Variants in EHMT2 observed in about 807,000 individuals in gnomAD.
EHMT2 encodes euchromatic histone lysine methyltransferase 2.
EHMT2 carries 59 observed loss-of-function variants against 143.3 expected under a neutral mutation model. The observed-to-expected ratio is 0.41, with a 90% CI of 0.33 to 0.51. EHMT2 has a LOEUF of 0.51. EHMT2 is among the 20% of genes least tolerant of loss of function. EHMT2 has a pLI of 0.18. For synonymous variants in EHMT2, 604 were observed against 651.5 expected (o/e 0.93, Z 1.11); for missense variants, 1,174 against 1,645.9 (o/e 0.71, Z 4.96).
intron 4 of EHMT2, chr6:31,893,689 T>C: frequency 3.7e-6 from 1 of 272,192 alleles, no homozygotes; most frequent in Non-Finnish European, 7.3e-6. Flanking sequence ...AAAGAAATTC[T>C]GACATGGTAC....
rs1231547775 is a variant in EHMT2 at position 31,884,710 on chromosome 6, A to G, written c.2538T>C (p.Ala846=). Residue 846 remains alanine (A), a synonymous_variant, in exon 20 of 28, where the codon GCT becomes GCC. Coordinates refer to ENST00000375537, the Ensembl canonical transcript of EHMT2. The surrounding 1 kb of genome is among the most constrained non-coding windows in gnomAD (Gnocchi z 7.3). Reference sequence around the variant, plus strand: ...GGGGGGTGTCCCCATGGTAGTTGACAGCATGGAGGTCACAGCGCGCATTCA... The same window carrying G: ...GGGGGGTGTCCCCATGGTAGTTGACGGCATGGAGGTCACAGCGCGCATTCA... 2 of 1,591,180 alleles carry G rather than the reference A, an allele frequency of 1.3e-6. No individual in the cohort carries two copies. The highest frequency in any genetic ancestry group is 1.8e-5 in the Admixed American group (1 of 56,792).
At position 31,884,756 on chromosome 6, in the gene EHMT2, G is replaced by A; in HGVS notation, c.2492C>T (p.Ala831Val). ...ATTCAGAAGGACTTCGGCGATGGCG[G>A]CGCTGCCCGTGAAGGAGGCCCAGTG... is the stretch of plus-strand genomic sequence containing the variant. Residue 831 changes from alanine to valine, a missense_variant, in exon 20 of 28, where the codon GCC (alanine) becomes GTC (valine). Ala to Val is a moderately conservative substitution (Grantham distance 64, BLOSUM62 0). Transcript: ENST00000375537. The surrounding 1 kb of genome is among the most constrained non-coding windows in gnomAD (Gnocchi z 7.3). 6.2e-7 allele frequency: 1 copy of A among 1,602,016 alleles called. No individual in the cohort carries two copies. The highest frequency in any genetic ancestry group is 8.5e-7 in the Non-Finnish European group (1 of 1,174,718).
In EHMT2 at chr6:31,884,622, T is replaced by A. The variant is rs2151605455; in HGVS notation, c.2603+23A>T. 2 of 1,598,862 alleles carry A rather than the reference T, an allele frequency of 1.3e-6. No homozygotes were observed. Among genetic ancestry groups the A allele is most frequent in the Non-Finnish European group, 1.7e-6 (2 of 1,170,648 alleles). ...GCTGCAAGAAGTGGGGGCAGGGGCA[T>A]CAAGGGCGGGGCAGGGGCTCACAGC... On this transcript the variant is annotated intron_variant, in intron 20 of 27. Coordinates refer to ENST00000375537, the Ensembl canonical transcript of EHMT2. This position sits in a 1 kb window ranked among gnomAD's most constrained non-coding sequence, Gnocchi z 7.3.
Position 31,883,409 on chromosome 6 carries a change from A to G in EHMT2, c.2947T>C (p.Ser983Pro). ...CTGAGCTGGCCGCACAGGCAGTTGGAGCTAGAGCAGTCGTCCACACACGTG... is the reference window on the plus strand; with the variant it reads ...CTGAGCTGGCCGCACAGGCAGTTGGGGCTAGAGCAGTCGTCCACACACGTG... The change falls in exon 23 of 28, where the codon TCC becomes CCC. Residue 983 changes from serine to proline, a missense_variant. By Grantham distance (74) the Ser-to-Pro change is moderately conservative. Around this residue, in one of 6 missense-constraint regions of EHMT2, gnomAD observed 78 missense variants for 144.0 expected, o/e 0.54. Transcript: ENST00000375537. This position sits in a 1 kb window ranked among gnomAD's most constrained non-coding sequence, Gnocchi z 5.6. 4 of 1,612,916 alleles carry G rather than the reference A, an allele frequency of 2.5e-6. No homozygotes were observed. Among genetic ancestry groups the G allele is most frequent in the Non-Finnish European group, 3.4e-6 (4 of 1,179,934 alleles).
Position 31,880,001 on chromosome 6 carries a change from G to T in EHMT2, c.*83C>A. On this transcript the variant is annotated 3_prime_UTR_variant, in exon 28 of 28. Transcript: ENST00000375537. The surrounding 1 kb of genome is among the most constrained non-coding windows in gnomAD (Gnocchi z 6.6). ...GGGAGAGAAGATGGCAGCACCCCCA[G>T]GCATGGGCTGCGAGCAGCTGGTGGC... 1 of 1,484,782 alleles carries T rather than the reference G, an allele frequency of 6.7e-7. No homozygotes were observed. The highest frequency in any genetic ancestry group is 9.2e-7 in the Non-Finnish European group (1 of 1,086,374). The allele number at this position is 1,484,782 out of a possible 1,614,324, so 92.0% of individuals were successfully genotyped here.
Position 31,884,810 on chromosome 6 carries a change from A to G in EHMT2, c.2449-11T>C. 1 of 1,593,614 alleles carries G rather than the reference A, an allele frequency of 6.3e-7. No homozygotes were observed. The highest frequency in any genetic ancestry group is 8.6e-7 in the Non-Finnish European group (1 of 1,169,176). ...GCAGATGTTCTCCTCCTGTGGAGGT[A>G]GGAGGGGAACAGATGAGGTGCAGGC... is the stretch of plus-strand genomic sequence containing the variant. On this transcript the variant is annotated splice_polypyrimidine_tract_variant and intron_variant, in intron 19 of 27. Transcript: ENST00000375537. The surrounding 1 kb of genome is among the most constrained non-coding windows in gnomAD (Gnocchi z 7.3).
intron 1 of EHMT2, 30 bp downstream of exon 1, chr6:31,897,606 G>T: frequency 1.8e-6 from 2 of 1,140,074 alleles, no homozygotes; most frequent in Non-Finnish European, 2.2e-6. Context: ...GCGCGGGCAT[G>T]CACCCGCCTC....
chr6:31,883,667 G>T lies in EHMT2; in HGVS notation c.2916+139C>A. On this transcript the variant is annotated intron_variant, in intron 22 of 27. Transcript: ENST00000375537. This position sits in a 1 kb window ranked among gnomAD's most constrained non-coding sequence, Gnocchi z 5.6. ...ACCTAGGAAAAGGATCCCTCCCCTG[G>T]TGGGGATGCGACCCCACACCAGGGC... The T allele has an allele frequency of 7.9e-7, 1 of 1,273,552 alleles. No individual in the cohort carries two copies. Among genetic ancestry groups the T allele is most frequent in the Non-Finnish European group, 1.1e-6 (1 of 904,748 alleles). The allele number at this position is 1,273,552 out of a possible 1,614,324, so 78.9% of individuals were successfully genotyped here.
At position 31,889,691 on chromosome 6, in the gene EHMT2, C is replaced by T. The variant is rs1765438646; in HGVS notation, c.865-89G>A. On this transcript the variant is annotated intron_variant, in intron 7 of 27. Coordinates refer to ENST00000375537, the Ensembl canonical transcript of EHMT2. This position sits in a 1 kb window ranked among gnomAD's most constrained non-coding sequence, Gnocchi z 5.1. ...AAACCACCACCACCATTGCCCCCCG[C>T]CACTACCCACGGATGGCTGCTGGGG... 50 of 1,531,768 alleles carry T rather than the reference C, an allele frequency of 3.3e-5. No individual in the cohort carries two copies. Among genetic ancestry groups the T allele is most frequent in the Non-Finnish European group, 4.4e-5 (49 of 1,123,034 alleles). The allele number at this position is 1,531,768 out of a possible 1,614,324, so 94.9% of individuals were successfully genotyped here. A position where few individuals can be genotyped will look rare whatever the true frequency, so the allele number is the denominator to read the frequency against.
Position 31,888,181 on chromosome 6 carries a change from G to A in EHMT2, c.1605C>T (p.His535=). 6.2e-7 allele frequency: 1 copy of A among 1,612,998 alleles called. No individual in the cohort carries two copies. Among genetic ancestry groups the A allele is most frequent in the Non-Finnish European group, 8.5e-7 (1 of 1,180,006 alleles). The change falls in exon 13 of 28, where the codon CAC becomes CAT. Residue 535 remains histidine (H), a synonymous_variant. Transcript: ENST00000375537. The surrounding 1 kb of genome is among the most constrained non-coding windows in gnomAD (Gnocchi z 7.4). ...GAGCTTCAGAAGCATCCTCCCCACAGTGGGGACAGAAGACCATCCCATTCA... is the reference window on the plus strand; with the variant it reads ...GAGCTTCAGAAGCATCCTCCCCACAATGGGGACAGAAGACCATCCCATTCA...
rs778474244 is a variant in EHMT2, at chr6:31,884,393, G to A, written c.2770C>T (p.Arg924Trp). ...TGCAGAGAGGGGCCCAGGGCTCACCGGCAGATGATCTTCTCTGTGCGGATG... is the reference window on the plus strand; with the variant it reads ...TGCAGAGAGGGGCCCAGGGCTCACCAGCAGATGATCTTCTCTGTGCGGATG... The change falls in exon 21 of 28, where the codon CGG (arginine) becomes TGG (tryptophan). Residue 924 changes from arginine (R) to tryptophan (W), a missense_variant and splice_region_variant. Transcript: ENST00000375537. This position sits in a 1 kb window ranked among gnomAD's most constrained non-coding sequence, Gnocchi z 7.3. 7 of 1,611,126 alleles carry A rather than the reference G, an allele frequency of 4.3e-6. No homozygotes were observed. Among genetic ancestry groups the A allele is most frequent in the South Asian group, 1.1e-5 (1 of 91,046 alleles).
intron 7 of EHMT2, among the ~76,000 whole-genome samples, chr6:31,891,809 CTTTT>C (rs1364331871): frequency 2.6e-5 from 4 of 151,848 alleles, no homozygotes; most frequent in Non-Finnish European, 5.9e-5. Flanking sequence ...CTGGTCATTT[CTTTT>C]TTTGTTTTCT....
At chr6:31,893,255 C>T in intron 4 of EHMT2, 1 of 494,330 alleles carries the variant, frequency 2.0e-6, no homozygotes, top group Middle Eastern at 3.1e-4. Flanking sequence ...GTGCCACTGA[C>T]AGATGAATGG....
At position 31,880,331 on chromosome 6, in the gene EHMT2, T is replaced by C. The variant is rs1419559598; in HGVS notation, c.3453-67A>G. 1.5e-5 allele frequency: 24 copies of C among 1,554,960 alleles called. No individual in the cohort carries two copies. Among genetic ancestry groups the C allele is most frequent in the Non-Finnish European group, 2.0e-5 (23 of 1,141,994 alleles). ...CACCAAGAGCCCACCCCGAAGACCCTGTGGATCCTGCTCCCTGAGAGGGAC... is the reference window on the plus strand; with the variant it reads ...CACCAAGAGCCCACCCCGAAGACCCCGTGGATCCTGCTCCCTGAGAGGGAC... On this transcript the variant is annotated intron_variant, in intron 27 of 27. Transcript: ENST00000375537. The surrounding 1 kb of genome is among the most constrained non-coding windows in gnomAD (Gnocchi z 6.6).
intron 6 of EHMT2, 35 bp downstream of exon 6, chr6:31,892,659 C>T: frequency 6.2e-7 from 1 of 1,613,060 alleles, no homozygotes. Flanking sequence ...TCAGAGCAGC[C>T]CCCGAGGGGT....
chr6:31,883,238 CCT>C lies in EHMT2; in HGVS notation c.2994+122_2994+123del, dbSNP rs1378996659. Reference sequence around the variant, plus strand: ...CCAGGATTCCCAGGCCTTGCCCAGTCCTCTCAGTCACTTCCCCCACAGGGTAG... The same window carrying C: ...CCAGGATTCCCAGGCCTTGCCCAGTCCTCAGTCACTTCCCCCACAGGGTAG... On this transcript the variant is annotated intron_variant, in intron 23 of 27. Transcript: ENST00000375537. This position sits in a 1 kb window ranked among gnomAD's most constrained non-coding sequence, Gnocchi z 5.6. The C allele has an allele frequency of 1.5e-5, 16 of 1,082,654 alleles. No individual in the cohort carries two copies. The highest frequency in any genetic ancestry group is 2.2e-5 in the Non-Finnish European group (16 of 733,254). 67.1% of individuals were successfully genotyped at this position (1,082,654 alleles called of 1,614,324 possible). A position where few individuals can be genotyped will look rare whatever the true frequency, so the allele number is the denominator to read the frequency against.
chr6:31,885,561 A>T (rs995872850), intron 18 of EHMT2: 1 of 152,690 alleles, frequency 6.5e-6, no homozygotes. Flanking sequence ...TTTCCAAAAA[A>T]TACAGCCAGG....
At chr6:31,896,234 G>T (rs1204481655) in intron 4 of EHMT2, 29 bp downstream of exon 4, 2 of 1,589,648 alleles carry the variant, frequency 1.3e-6, no homozygotes, top group Non-Finnish European at 1.7e-6. Flanking sequence ...GTTTATGGTT[G>T]ATTATCCCAT....
chr6:31,895,696 G>C (rs550222209), intron 4 of EHMT2: 1 of 152,290 alleles, frequency 6.6e-6, no homozygotes, highest in Non-Finnish European at 1.5e-5. Flanking sequence ...GTATTTTCAC[G>C]GCAACTTGAA....
Sources: gnomAD v4.1 joint callset for allele counts (sites outside exome capture counted in the v4.1 genomes callset) on GRCh38, gnomAD v4.1.1 for gene constraint, gnomAD v4.1.1 regional missense constraint, Gnocchi (gnomAD v3.1) non-coding constraint, MANE v1.5 for transcripts, NCBI Gene and HGNC (gene_info 2026-07-23, HGNC 2026-07-21) for gene names.